The following TAF8 variants were observed in gnomAD, a reference collection of about 807,000 sequenced individuals.
The protein encoded by TAF8 is transcription initiation factor TFIID subunit 8.
TAF8 carries 47 observed loss-of-function variants against 36.5 expected under a neutral mutation model. The observed-to-expected ratio is 1.29, with a 90% CI of 1.02 to 1.64. The LOEUF is 1.64. Ranked by LOEUF, TAF8 falls within the 40% of genes most tolerant of loss-of-function variation. The probability of loss-of-function intolerance (pLI) is 0.00; values close to 1 mark genes in which losing one functional copy is unlikely to be tolerated. For synonymous variants in TAF8, 175 were observed against 159.5 expected, an observed-to-expected ratio of 1.10 and a Z score of -0.73; for missense variants, 420 against 407.6, an observed-to-expected ratio of 1.03 and a Z score of -0.26.
chr6:42,078,226 C>A lies in TAF8; in HGVS notation c.*681C>A. The A allele has an allele frequency of 2.0e-6, 2 of 985,486 alleles. No homozygotes were observed. The highest frequency in any genetic ancestry group is 3.5e-5 in the African/African-American group (2 of 57,362). The allele number at this position is 985,486 out of a possible 1,614,324, so 61.0% of individuals were successfully genotyped here. On this transcript the variant is annotated 3_prime_UTR_variant, in exon 9 of 9. Coordinates refer to ENST00000372977, the MANE Select transcript of TAF8 (RefSeq NM_138572.3). ...TAATCAATCAGGCTATGTGGTGGGGCATAGCAGCAGCCAGTGACTTCGTTC... is the reference window on the plus strand; with the variant it reads ...TAATCAATCAGGCTATGTGGTGGGGAATAGCAGCAGCCAGTGACTTCGTTC...
chr6:42,080,030 A>T lies in TAF8; in HGVS notation c.*2485A>T. 2.0e-6 allele frequency: 2 copies of T among 985,390 alleles called. No individual in the cohort carries two copies. Among genetic ancestry groups the T allele is most frequent in the Non-Finnish European group, 2.4e-6 (2 of 829,924 alleles). The allele number at this position is 985,390 out of a possible 1,614,324, so 61.0% of individuals were successfully genotyped here. A position where few individuals can be genotyped will look rare whatever the true frequency, so the allele number is the denominator to read the frequency against. On this transcript the variant is annotated 3_prime_UTR_variant, in exon 9 of 9. Coordinates refer to ENST00000372977, the MANE Select transcript of TAF8 (RefSeq NM_138572.3). ...AAAATTGGATTCCCCAACTGGACTAAATAGGAGTTTTTCAGGTTTGTAGTA... is the reference window on the plus strand; with the variant it reads ...AAAATTGGATTCCCCAACTGGACTATATAGGAGTTTTTCAGGTTTGTAGTA...
chr6:42,055,880 A>AC (rs1764966923), intron 3 of TAF8, 72 bp from the exon 4 acceptor site: 2 of 1,041,160 alleles, frequency 1.9e-6, no homozygotes, highest in East Asian at 4.8e-5. Flanking sequence ...CCATTTGTCC[A>AC]TACTACTACT....
intron 5 of TAF8, among the ~76,000 whole-genome samples, chr6:42,064,956 CAA>C (rs59214523): frequency 0.24 from 17,442 of 72,802 alleles, 818 homozygotes; most frequent in Middle Eastern, 0.33. Flanking sequence ...GACTCTGTCT[CAA>C]AAAAAAAAAA....
At chr6:42,073,038 A>G (rs1765635034) in intron 7 of TAF8, among the ~76,000 whole-genome samples, 1 of 152,156 alleles carries the variant, frequency 6.6e-6, no homozygotes. Context: ...CAGGTATTTT[A>G]AATTATTATT....
chr6:42,085,207 A>G (rs146841602), downstream of TAF8, among the ~76,000 whole-genome samples: 111 of 152,314 alleles, frequency 7.3e-4, 1 homozygote, highest in African/African-American at 2.6e-3. Flanking sequence ...CACTCCTGAT[A>G]TGTAAAGAAC....
intron 1 of TAF8, 105 bp downstream of exon 1, chr6:42,050,691 G>C (rs1764737626): frequency 7.4e-7 from 1 of 1,345,478 alleles, no homozygotes; most frequent in African/African-American, 1.5e-5. Flanking sequence ...GCCCCATCAT[G>C]AGCTCCGACT....
Position 42,068,487 on chromosome 6 carries a change from C to T in TAF8, c.660C>T (p.Thr220=). The part of the protein sequence containing the change: ...TFPLIAARPF[T]IPYLTALLPS... ...CAGTGATTGCTGCCAGACCTTTCAC[C>T]ATCCCCTACCTGACAGCTCTTCTTC... The change falls in exon 7 of 9, where the codon ACC becomes ACT. Residue 220 remains threonine, a synonymous_variant. Coordinates refer to ENST00000372977, the MANE Select transcript of TAF8 (RefSeq NM_138572.3). 3 of 1,614,128 alleles carry T rather than the reference C, an allele frequency of 1.9e-6. No individual in the cohort carries two copies. The highest frequency in any genetic ancestry group is 1.3e-5 in the African/African-American group (1 of 75,062).
downstream of TAF8, among the ~76,000 whole-genome samples, chr6:42,084,613 C>CACCACCA (rs372535579): frequency 1.6e-5 from 1 of 63,960 alleles, no homozygotes; most frequent in Non-Finnish European, 5.3e-5. Flanking sequence ...CAGGCACATG[C>CACCACCA]CACCGCACCT....
At chr6:42,073,644 G>A (rs1186966438) in intron 7 of TAF8, among the ~76,000 whole-genome samples, 3 of 152,288 alleles carry the variant, frequency 2.0e-5, no homozygotes, top group Admixed American at 2.0e-4. Context: ...GGAATGGGCA[G>A]TGCAAAGGCC....
intron 1 of TAF8, 136 bp from the exon 2 acceptor site, chr6:42,051,221 C>T: frequency 7.7e-7 from 1 of 1,301,956 alleles, no homozygotes; most frequent in Non-Finnish European, 1.0e-6. Context: ...TGGCCAAGAT[C>T]TGTAAATCTA....
intron 7 of TAF8, among the ~76,000 whole-genome samples, chr6:42,076,847 C>G (rs1765763928): frequency 6.6e-6 from 1 of 152,110 alleles, no homozygotes; most frequent in African/African-American, 2.4e-5. Flanking sequence ...CTGTCCCTGC[C>G]TTCTCCAGAG....
intron 1 of TAF8, 192 bp downstream of exon 1, chr6:42,050,778 T>A: frequency 1.1e-6 from 1 of 926,298 alleles, no homozygotes; most frequent in Non-Finnish European, 1.5e-6. Flanking sequence ...CGGACCTGTG[T>A]CTTGATTGGC....
rs58805733 is a variant in TAF8 at position 42,081,170 on chromosome 6, AGTGTGT to A, written c.*3641_*3646del. The stretch of plus-strand genomic sequence containing the variant: ...TGTCCTTTATTTTCTTTCCTCCTGG[AGTGTGT>A]GTGTGTGTGTGTGTGCGTGTGTGTG... On this transcript the variant is annotated 3_prime_UTR_variant, in exon 9 of 9. Transcript: ENST00000372977. 24 of 136,892 alleles carry A rather than the reference AGTGTGT, an allele frequency of 1.8e-4. No individual in the cohort carries two copies. Among genetic ancestry groups the A allele is most frequent in the Middle Eastern group, 6.6e-3 (2 of 302 alleles). 8.5% of individuals were successfully genotyped at this position (136,892 alleles called of 1,614,324 possible).
downstream of TAF8, chr6:42,086,727 C>T (rs9394862): frequency 9.0e-6 from 14 of 1,551,204 alleles, no homozygotes; most frequent in South Asian, 1.5e-4. Flanking sequence ...AGGCCAGATA[C>T]ATTCTAGAGA....
In TAF8 at chr6:42,080,159, A is replaced by C; in HGVS notation, c.*2614A>C. On this transcript the variant is annotated 3_prime_UTR_variant, in exon 9 of 9. Transcript: ENST00000372977. ...TTCTTGGCCTGATAAGTTTATGAAC[A>C]CAGCCCCACATTCAAGCCGTGGCCA... 1 of 985,402 alleles carries C rather than the reference A, an allele frequency of 1.0e-6. No homozygotes were observed. The highest frequency in any genetic ancestry group is 1.2e-6 in the Non-Finnish European group (1 of 829,942). The allele number at this position is 985,402 out of a possible 1,614,324, so 61.0% of individuals were successfully genotyped here. A position where few individuals can be genotyped will look rare whatever the true frequency, so the allele number is the denominator to read the frequency against.
intron 5 of TAF8, among the ~76,000 whole-genome samples, chr6:42,061,558 G>A (rs990339091): frequency 1.3e-5 from 2 of 152,118 alleles, no homozygotes; most frequent in Non-Finnish European, 2.9e-5. Context: ...AATTGGCAAG[G>A]AAATTTGTTA....
chr6:42,074,225 G>A (rs79012650), intron 7 of TAF8, among the ~76,000 whole-genome samples: 2,703 of 152,236 alleles, frequency 0.018, 95 homozygotes, highest in African/African-American at 0.061. Flanking sequence ...ACTGAGAAGC[G>A]CCGTTTACAC....
rs529328089 is a variant in TAF8, at chr6:42,052,666, G to A, written c.202+1153G>A. ...GAAATGTGTTGAGATTTAGAAGCCC[G>A]GGTGTGGTCTTACAGAGGCTTTTCT... On this transcript the variant is annotated intron_variant, in intron 2 of 8. Coordinates refer to ENST00000372977, the MANE Select transcript of TAF8 (RefSeq NM_138572.3). Among the ~76,000 whole-genome samples the A allele has an allele frequency of 8.0e-4, 122 of 152,228 alleles. 1 individual carries two copies. The highest frequency in any genetic ancestry group is 8.7e-4 in the Non-Finnish European group (59 of 68,026).
intron 5 of TAF8, among the ~76,000 whole-genome samples, chr6:42,059,408 T>C (rs1291614643): frequency 6.0e-5 from 9 of 150,534 alleles, no homozygotes; most frequent in Non-Finnish European, 7.4e-5. Flanking sequence ...AAAGAAATCA[T>C]AGGGACTCAG....
Sources: gnomAD v4.1 joint callset for allele counts (sites outside exome capture counted in the v4.1 genomes callset) on GRCh38, gnomAD v4.1.1 for gene constraint, MANE v1.5 for transcripts, NCBI Gene and HGNC (gene_info 2026-07-23, HGNC 2026-07-21) for gene names.